GASK1B: variants seen among roughly 807,000 people sequenced by gnomAD.
The protein encoded by GASK1B is golgi associated kinase 1B.
GASK1B carries 34 observed loss-of-function variants against 42.8 expected under a neutral mutation model. That is an observed-to-expected ratio of 0.79 (90% CI 0.60 to 1.06). GASK1B has a LOEUF of 1.06. GASK1B is among the 50% of genes least tolerant of loss of function. The pLI is 0.00. For missense variants in GASK1B, 686 were observed against 661.0 expected, an observed-to-expected ratio of 1.04 and a Z score of -0.42; for synonymous variants, 262 against 259.1, an observed-to-expected ratio of 1.01 and a Z score of -0.11.
chr4:158,137,916 G>A (rs1425644126), intron 3 of GASK1B, among the ~76,000 whole-genome samples: 8 of 152,128 alleles, frequency 5.3e-5, no homozygotes, highest in Admixed American at 5.2e-4. Context: ...CTAAAAATGG[G>A]CATAGGCTTC....
intron 3 of GASK1B, among the ~76,000 whole-genome samples, chr4:158,137,418 TATC>T (rs1730939795): frequency 6.6e-6 from 1 of 152,216 alleles, no homozygotes. Context: ...TGAGAATCGT[TATC>T]ATTACCAGCA....
At chr4:158,160,591 T>C (rs921694759) in intron 2 of GASK1B, among the ~76,000 whole-genome samples, 15 of 152,180 alleles carry the variant, frequency 9.9e-5, no homozygotes, top group African/African-American at 3.6e-4. Flanking sequence ...CCAGTAATCC[T>C]AATTCTGGGT....
intron 3 of GASK1B, among the ~76,000 whole-genome samples, chr4:158,145,015 C>T (rs180752480): frequency 2.0e-5 from 3 of 152,270 alleles, no homozygotes; most frequent in Admixed American, 1.3e-4. Context: ...TGAAAGCTGG[C>T]GGCAAGACCC....
intron 2 of GASK1B, among the ~76,000 whole-genome samples, chr4:158,164,864 C>T (rs1005973572): frequency 6.6e-6 from 1 of 152,190 alleles, no homozygotes; most frequent in Non-Finnish European, 1.5e-5. Flanking sequence ...CTCACATAGG[C>T]TTGAAAAGAG....
chr4:158,133,003 C>T (rs1177991238), intron 3 of GASK1B, among the ~76,000 whole-genome samples: 1 of 152,192 alleles, frequency 6.6e-6, no homozygotes, highest in African/African-American at 2.4e-5. Context: ...GAAAAAAGCA[C>T]AAATTAGAAA....
intron 2 of GASK1B, among the ~76,000 whole-genome samples, chr4:158,162,568 A>T (rs1732064509): frequency 1.3e-5 from 2 of 152,202 alleles, no homozygotes; most frequent in Admixed American, 1.3e-4. Context: ...TTAGAGAAAC[A>T]CTTGAGACAT....
At chr4:158,147,432 C>T (rs1050970633) in intron 3 of GASK1B, among the ~76,000 whole-genome samples, 5 of 151,924 alleles carry the variant, frequency 3.3e-5, no homozygotes, top group South Asian at 2.1e-4. Context: ...AGTGAGACTC[C>T]GTCTCTATTG....
chr4:158,149,547 T>C (rs1731462731), intron 3 of GASK1B, among the ~76,000 whole-genome samples: 1 of 151,218 alleles, frequency 6.6e-6, no homozygotes, highest in African/African-American at 2.4e-5. Context: ...TCAAGGTCCA[T>C]TCTCATAGAC....
chr4:158,147,392 A>T (rs1193034450), intron 3 of GASK1B, among the ~76,000 whole-genome samples: 1 of 152,072 alleles, frequency 6.6e-6, no homozygotes, highest in Non-Finnish European at 1.5e-5. Context: ...CTTGAGCTCC[A>T]GAGTTTGGTA....
At chr4:158,153,143 C>T (rs576705155) in intron 3 of GASK1B, among the ~76,000 whole-genome samples, 1 of 152,286 alleles carries the variant, frequency 6.6e-6, no homozygotes, top group East Asian at 1.9e-4. Context: ...TAAATGACTT[C>T]AGTAAAGCTT....
At chr4:158,130,664 T>G (rs907128683) in intron 4 of GASK1B, 122 bp downstream of exon 4, 40 of 801,362 alleles carry the variant, frequency 5.0e-5, no homozygotes, top group Admixed American at 3.4e-4. Context: ...CATTCCCAGA[T>G]TCCACATTCA....
chr4:158,163,861 C>T (rs1433114941), intron 2 of GASK1B, among the ~76,000 whole-genome samples: 1 of 152,160 alleles, frequency 6.6e-6, no homozygotes, highest in African/African-American at 2.4e-5. Flanking sequence ...ACCACTTTTC[C>T]CTAGTATCCG....
chr4:158,164,891 T>C (rs145976745), intron 2 of GASK1B, among the ~76,000 whole-genome samples: 95 of 152,282 alleles, frequency 6.2e-4, no homozygotes, highest in African/African-American at 2.2e-3. Flanking sequence ...AAACATACCA[T>C]ATATTTCTCC....
intron 2 of GASK1B, among the ~76,000 whole-genome samples, chr4:158,160,895 G>A (rs1025102762): frequency 6.6e-6 from 1 of 152,010 alleles, no homozygotes; most frequent in African/African-American, 2.4e-5. Flanking sequence ...CTTATATGTG[G>A]AATCTAAAAA....
At chr4:158,144,984 G>T (rs1731275166) in intron 3 of GASK1B, among the ~76,000 whole-genome samples, 1 of 152,288 alleles carries the variant, frequency 6.6e-6, no homozygotes, top group South Asian at 2.1e-4. Context: ...CTGACTGTGA[G>T]TGTGTTTCCT....
At chr4:158,138,683 T>C in intron 3 of GASK1B, among the ~76,000 whole-genome samples, 1 of 151,986 alleles carries the variant, frequency 6.6e-6, no homozygotes, top group East Asian at 1.9e-4. Flanking sequence ...CAAAAATAAG[T>C]AAAGATAAGC....
At chr4:158,132,951 T>C (rs1730738526) in intron 3 of GASK1B, among the ~76,000 whole-genome samples, 1 of 152,028 alleles carries the variant, frequency 6.6e-6, no homozygotes, top group African/African-American at 2.4e-5. Context: ...TGAGCAAGAG[T>C]GCCCCAAGCA....
chr4:158,155,766 T>C lies in GASK1B; in HGVS notation c.970A>G (p.Thr324Ala). Residue 324 changes from threonine to alanine, a missense_variant, in exon 3 of 5, where the codon ACC (threonine) becomes GCC (alanine). Coordinates refer to ENST00000585682, the MANE Select transcript of GASK1B (RefSeq NM_001128424.2). Reference protein sequence around the residue: ...DASLSSASNDTHSSVKLTWGT... With the variant: ...DASLSSASNDAHSSVKLTWGT... Reference sequence around the variant, plus strand: ...CAGGTGAGCTTAACAGAAGAATGGGTGTCATTACTTGCTGAAGATAAAGAT... The same window carrying C: ...CAGGTGAGCTTAACAGAAGAATGGGCGTCATTACTTGCTGAAGATAAAGAT... The C allele has an allele frequency of 6.2e-7, 1 of 1,613,822 alleles. No individual in the cohort carries two copies.
intron 3 of GASK1B, among the ~76,000 whole-genome samples, chr4:158,148,535 C>T (rs1364494883): frequency 6.6e-6 from 1 of 152,148 alleles, no homozygotes; most frequent in Non-Finnish European, 1.5e-5. Flanking sequence ...AACAGTATTA[C>T]TTTTGTAAAT....
Sources: gnomAD v4.1 joint callset for allele counts (sites outside exome capture counted in the v4.1 genomes callset) on GRCh38, gnomAD v4.1.1 for gene constraint, MANE v1.5 for transcripts, NCBI Gene and HGNC (gene_info 2026-07-23, HGNC 2026-07-21) for gene names.